CDH12: variants seen among roughly 807,000 people sequenced by gnomAD.
CDH12 encodes cadherin-12.
CDH12 carries 41 observed loss-of-function variants against 74.1 expected under a neutral mutation model. The ratio of observed to expected loss-of-function variants is 0.55; its 90% CI spans 0.43 to 0.72. The LOEUF is 0.72. Among genes scored for constraint, CDH12 ranks in the 30% least tolerant of loss-of-function variants. CDH12 has a pLI of 0.00. For missense variants in CDH12, 945 were observed against 977.2 expected (o/e 0.97, Z 0.44); for synonymous variants, 399 against 355.0 (o/e 1.12, Z -1.39).
intron 3 of CDH12, among the ~76,000 whole-genome samples, chr5:22,230,924 G>A (rs1252470661): frequency 6.6e-6 from 1 of 152,144 alleles, no homozygotes; most frequent in African/African-American, 2.4e-5. Context: ...AGGAATAGCA[G>A]ATAGTAAGTC....
At chr5:22,765,363 T>C (rs758399776) in intron 1 of CDH12, among the ~76,000 whole-genome samples, 8 of 151,954 alleles carry the variant, frequency 5.3e-5, no homozygotes, top group Non-Finnish European at 1.2e-4. Flanking sequence ...TAATGATATG[T>C]CTAGTCTACT....
intron 2 of CDH12, among the ~76,000 whole-genome samples, chr5:22,489,813 G>A (rs985762073): frequency 6.6e-6 from 1 of 151,150 alleles, no homozygotes; most frequent in African/African-American, 2.4e-5. Context: ...TCAGCCTCTG[G>A]ATTAGCTGGA....
At chr5:22,453,230 T>C (rs1031594737) in intron 2 of CDH12, among the ~76,000 whole-genome samples, 2 of 152,114 alleles carry the variant, frequency 1.3e-5, no homozygotes, top group African/African-American at 4.8e-5. Flanking sequence ...ATTTCACTCC[T>C]GGGTATTTTT....
At chr5:22,031,510 C>T (rs1240350034) in intron 5 of CDH12, among the ~76,000 whole-genome samples, 2 of 152,132 alleles carry the variant, frequency 1.3e-5, no homozygotes, top group African/African-American at 2.4e-5. Flanking sequence ...TTTGCACTCA[C>T]AAGTTGGCTG....
At chr5:22,747,030 C>T (rs1745327040) in intron 1 of CDH12, among the ~76,000 whole-genome samples, 1 of 152,140 alleles carries the variant, frequency 6.6e-6, no homozygotes, top group African/African-American at 2.4e-5. Flanking sequence ...TCTCCTCTGT[C>T]TTCCAACATC....
chr5:21,844,899 A>G (rs1166590782), intron 7 of CDH12, among the ~76,000 whole-genome samples: 1 of 152,124 alleles, frequency 6.6e-6, no homozygotes, highest in Non-Finnish European at 1.5e-5. Context: ...TGCAACTACA[A>G]TTTCGAAGAC....
chr5:22,228,159 C>T (rs1752259093), intron 3 of CDH12, among the ~76,000 whole-genome samples: 2 of 151,838 alleles, frequency 1.3e-5, no homozygotes, highest in East Asian at 3.9e-4. Flanking sequence ...CATTCAAGAT[C>T]GTACTATTAA....
At chr5:21,948,426 T>C (rs527747570) in intron 6 of CDH12, among the ~76,000 whole-genome samples, 1 of 152,380 alleles carries the variant, frequency 6.6e-6, no homozygotes, top group African/African-American at 2.4e-5. Context: ...CTGCTGGGTT[T>C]CAGACTTTCA....
At chr5:22,380,363 G>A (rs568873210) in intron 3 of CDH12, among the ~76,000 whole-genome samples, 1 of 151,956 alleles carries the variant, frequency 6.6e-6, no homozygotes, top group Admixed American at 6.6e-5. Context: ...ATTCTCAAAG[G>A]TTCTTTTGTT....
At chr5:22,788,636 G>T (rs1038306474) in intron 1 of CDH12, among the ~76,000 whole-genome samples, 2 of 147,144 alleles carry the variant, frequency 1.4e-5, no homozygotes, top group Non-Finnish European at 3.0e-5. Context: ...ATATGTAACT[G>T]TAATATAATG....
chr5:22,828,419 T>A (rs1221215002), intron 1 of CDH12, among the ~76,000 whole-genome samples: 1 of 152,182 alleles, frequency 6.6e-6, no homozygotes, highest in Non-Finnish European at 1.5e-5. Context: ...GTCACTGGGA[T>A]CTGCCATTGA....
At chr5:22,278,712 C>T (rs1736747282) in intron 3 of CDH12, among the ~76,000 whole-genome samples, 1 of 152,068 alleles carries the variant, frequency 6.6e-6, no homozygotes, top group African/African-American at 2.4e-5. Context: ...ATACACAATT[C>T]TAGATGGATT....
At chr5:22,269,834 G>C (rs556417759) in intron 3 of CDH12, among the ~76,000 whole-genome samples, 1 of 152,094 alleles carries the variant, frequency 6.6e-6, no homozygotes, top group South Asian at 2.1e-4. Flanking sequence ...TAAAAATACA[G>C]ACATTTGTAC....
At chr5:22,701,241 C>A (rs912717931) in intron 1 of CDH12, among the ~76,000 whole-genome samples, 3 of 152,054 alleles carry the variant, frequency 2.0e-5, no homozygotes, top group African/African-American at 7.2e-5. Flanking sequence ...TCTACTATTA[C>A]TCTCTAAGTT....
chr5:22,513,517 A>G (rs1029285828), intron 1 of CDH12, among the ~76,000 whole-genome samples: 2 of 152,218 alleles, frequency 1.3e-5, no homozygotes. Context: ...GCATCTGAGT[A>G]TCTTCTACGT....
intron 7 of CDH12, among the ~76,000 whole-genome samples, chr5:21,847,864 C>T (rs895574180): frequency 9.9e-5 from 15 of 152,056 alleles, no homozygotes; most frequent in African/African-American, 3.4e-4. Context: ...CTATATATTT[C>T]CCGTATTTAT....
At chr5:22,670,321 A>G (rs1740840027) in intron 1 of CDH12, among the ~76,000 whole-genome samples, 1 of 152,094 alleles carries the variant, frequency 6.6e-6, no homozygotes, top group African/African-American at 2.4e-5. Context: ...GCCCAGACCC[A>G]GTAGTTCTTT....
intron 4 of CDH12, among the ~76,000 whole-genome samples, chr5:22,174,386 C>T (rs1425376477): frequency 6.6e-6 from 1 of 151,882 alleles, no homozygotes. Flanking sequence ...ATGACTATGT[C>T]CCTAATAGTT....
intron 6 of CDH12, among the ~76,000 whole-genome samples, chr5:21,859,302 C>A (rs1026374018): frequency 6.6e-6 from 1 of 151,976 alleles, no homozygotes; most frequent in Non-Finnish European, 1.5e-5. Context: ...AAGAAAGGCA[C>A]CTTCTTCACA....
Sources: allele counts gnomAD v4.1 joint callset (sites outside exome capture counted in the v4.1 genomes callset), GRCh38; gene constraint gnomAD v4.1.1; transcripts MANE v1.5; gene names NCBI Gene and HGNC (gene_info 2026-07-23, HGNC 2026-07-21).